The following SPCS2 variants were observed in gnomAD, a reference collection of about 807,000 sequenced individuals.
The protein encoded by SPCS2 is signal peptidase complex subunit 2.
Under a neutral mutation model 22.3 loss-of-function variants are expected in SPCS2, and 3 were observed. That is an observed-to-expected ratio of 0.13 (90% confidence interval 0.06 to 0.35). The LOEUF is 0.35. SPCS2 is among the 10% of genes least tolerant of loss of function. The pLI is 1.00. For missense variants in SPCS2, 169 were observed against 280.9 expected (o/e 0.60, Z 2.85); for synonymous variants, 67 against 97.2 (o/e 0.69, Z 1.83).
chr11:74,965,680 CTTT>C, intron 2 of SPCS2, 80 bp from the exon 3 acceptor site: 2 of 1,237,776 alleles, frequency 1.6e-6, no homozygotes, highest in Non-Finnish European at 2.3e-6. Flanking sequence ...TCATATGATT[CTTT>C]TATCATGGAA....
At chr11:74,966,649 AT>A (rs1429212179) in intron 3 of SPCS2, among the ~76,000 whole-genome samples, 1 of 151,950 alleles carries the variant, frequency 6.6e-6, no homozygotes, top group Admixed American at 6.6e-5. Flanking sequence ...ACCCAGCGTG[AT>A]TTTTTTTCTC....
At chr11:74,963,524 C>A in intron 1 of SPCS2, 2 of 382,286 alleles carry the variant, frequency 5.2e-6, no homozygotes, top group Admixed American at 3.1e-5. Context: ...ATTTTTATCC[C>A]ATCTCTTATT....
At chr11:74,970,195 G>A (rs1482334920) in intron 4 of SPCS2, among the ~76,000 whole-genome samples, 1 of 152,168 alleles carries the variant, frequency 6.6e-6, no homozygotes, top group African/African-American at 2.4e-5. Context: ...CTAGGTTCAT[G>A]TTCCAATTCA....
chr11:74,969,636 A>T lies in SPCS2; in HGVS notation c.431A>T (p.His144Leu). 6.2e-7 allele frequency: 1 copy of T among 1,613,664 alleles called. No individual in the cohort carries two copies. Among genetic ancestry groups the T allele is most frequent in the Non-Finnish European group, 8.5e-7 (1 of 1,179,614 alleles). ...GAGAAGAGCATCTTTCTCGTGGCCC[A>T]CAGGAAAGATCCTACAGGAATGGAT... The part of the protein sequence containing the change: ...YKEKSIFLVA[H>L]RKDPTGMDPD... Residue 144 changes from histidine to leucine, a missense_variant, in exon 4 of 5, where the codon CAC (histidine) becomes CTC (leucine). His to Leu is a moderately conservative substitution (Grantham distance 99, BLOSUM62 -3). Around this residue, in one of 2 missense-constraint regions of SPCS2, gnomAD observed 118 missense variants for 243.1 expected, o/e 0.49. Transcript: ENST00000263672.
At chr11:74,976,337 A>C (rs1453611655) in intron 4 of SPCS2, among the ~76,000 whole-genome samples, 2 of 152,218 alleles carry the variant, frequency 1.3e-5, no homozygotes, top group Admixed American at 6.5e-5. Flanking sequence ...TTTTGTTGAT[A>C]CCATAAGAGC....
At chr11:74,974,889 T>C (rs781030253) in intron 4 of SPCS2, among the ~76,000 whole-genome samples, 50 of 152,234 alleles carry the variant, frequency 3.3e-4, no homozygotes, top group Non-Finnish European at 5.4e-4. Context: ...GCTGGGATTA[T>C]AGGTATGAGC....
intron 4 of SPCS2, among the ~76,000 whole-genome samples, chr11:74,975,187 G>T (rs1415093802): frequency 6.6e-6 from 1 of 152,074 alleles, no homozygotes. Flanking sequence ...GCCCCTTTCT[G>T]TTCTTAAGAC....
At chr11:74,960,973 C>T (rs960898330) in intron 1 of SPCS2, among the ~76,000 whole-genome samples, 1 of 151,310 alleles carries the variant, frequency 6.6e-6, no homozygotes, top group Admixed American at 6.6e-5. Flanking sequence ...TAAATTTAAA[C>T]TGGAGAGTAA....
chr11:74,969,759 A>T (rs1314118541), intron 4 of SPCS2, 60 bp downstream of exon 4: 1 of 1,594,390 alleles, frequency 6.3e-7, no homozygotes, highest in East Asian at 2.2e-5. Flanking sequence ...GCATGTTGTC[A>T]TTATCAACAG....
intron 1 of SPCS2, among the ~76,000 whole-genome samples, chr11:74,960,744 T>G (rs942506662): frequency 5.9e-5 from 9 of 152,158 alleles, no homozygotes; most frequent in Non-Finnish European, 1.3e-4. Flanking sequence ...AAACCCTTAG[T>G]GTTATCTGTA....
intron 4 of SPCS2, among the ~76,000 whole-genome samples, chr11:74,973,908 T>A (rs1173274533): frequency 2.0e-5 from 3 of 151,984 alleles, no homozygotes; most frequent in African/African-American, 7.3e-5. Context: ...CTCTGCTGGA[T>A]CATTCCTTCT....
rs1436161767 is a variant in SPCS2, at chr11:74,969,734, G to GT, written c.494+37dup. ...TCCTCACAGATTTTTAAATCCTGGT[G>GT]TTGGATTTGCCCTGGCATGTTGTCA... On this transcript the variant is annotated intron_variant, in intron 4 of 4. Coordinates refer to ENST00000263672, the MANE Select transcript of SPCS2 (RefSeq NM_014752.3). 9.9e-6 allele frequency: 16 copies of GT among 1,612,714 alleles called. No individual in the cohort carries two copies. The Admixed American group carries it at 2.7e-4, about 27-fold the overall frequency.
intron 1 of SPCS2, among the ~76,000 whole-genome samples, chr11:74,963,365 A>G (rs1416844224): frequency 2.0e-5 from 3 of 152,176 alleles, no homozygotes; most frequent in South Asian, 2.1e-4. Flanking sequence ...AATCACTTTA[A>G]GTATGGCTAT....
chr11:74,952,606 C>G (rs190852389), intron 1 of SPCS2, among the ~76,000 whole-genome samples: 1 of 152,226 alleles, frequency 6.6e-6, no homozygotes, highest in African/African-American at 2.4e-5. Flanking sequence ...CATGAGCCAC[C>G]GCACCCAGCT....
At chr11:74,960,984 C>T (rs972212562) in intron 1 of SPCS2, among the ~76,000 whole-genome samples, 1 of 150,470 alleles carries the variant, frequency 6.6e-6, no homozygotes, top group African/African-American at 2.4e-5. Flanking sequence ...TGGAGAGTAA[C>T]ATTTTAGAGA....
At chr11:74,960,523 TTA>T (rs199790529) in intron 1 of SPCS2, among the ~76,000 whole-genome samples, 3,629 of 151,968 alleles carry the variant, frequency 0.024, 159 homozygotes, top group African/African-American at 0.083. Flanking sequence ...TTTTAGGTTT[TTA>T]AAATGTTATT....
At chr11:74,965,604 A>G (rs969808081) in intron 2 of SPCS2, among the ~76,000 whole-genome samples, 159 bp from the exon 3 acceptor site, 1 of 152,174 alleles carries the variant, frequency 6.6e-6, no homozygotes, top group Non-Finnish European at 1.5e-5. Context: ...TTGGTTCTTT[A>G]TAGAAGGCTT....
chr11:74,968,094 T>G (rs1448222224), intron 3 of SPCS2: 1 of 152,210 alleles, frequency 6.6e-6, no homozygotes, highest in African/African-American at 2.4e-5. Context: ...AGGCCAAGAT[T>G]TAAATCTAGG....
chr11:74,972,356 G>A (rs540165091), intron 4 of SPCS2, among the ~76,000 whole-genome samples: 8 of 152,210 alleles, frequency 5.3e-5, no homozygotes, highest in Middle Eastern at 3.4e-3. Context: ...GAGCCACCAC[G>A]CCCAGCCCAT....
Sources: allele counts gnomAD v4.1 joint callset (sites outside exome capture counted in the v4.1 genomes callset), GRCh38; gene constraint gnomAD v4.1.1; regional missense constraint gnomAD v4.1.1; transcripts MANE v1.5; gene names NCBI Gene and HGNC (gene_info 2026-07-23, HGNC 2026-07-21).